Variants in CPAMD8 observed in about 807,000 individuals in gnomAD.
The protein encoded by CPAMD8 is C3 and PZP-like alpha-2-macroglobulin domain-containing protein 8.
Under a neutral mutation model 224.7 loss-of-function variants are expected in CPAMD8, and 146 were observed. The ratio of observed to expected loss-of-function variants is 0.65; its 90% CI spans 0.57 to 0.75. The LOEUF is 0.75. Ranked by LOEUF, CPAMD8 falls within the 30% of genes least tolerant of loss-of-function variation. The probability of loss-of-function intolerance (pLI) is 0.00; values close to 1 mark genes in which losing one functional copy is unlikely to be tolerated. For missense variants in CPAMD8, 2,301 were observed against 2,537.5 expected (o/e 0.91, Z 2.00); for synonymous variants, 966 against 1,044.6 (o/e 0.92, Z 1.45).
intron 18 of CPAMD8, among the ~76,000 whole-genome samples, chr19:16,970,238 CAAAAAA>C (rs34399675): frequency 1.1e-5 from 1 of 92,668 alleles, no homozygotes; most frequent in Non-Finnish European, 2.1e-5. Flanking sequence ...GACTCTGTCT[CAAAAAA>C]AAAAAAAAAA....
chr19:16,905,845 G>A (rs2052455569), intron 30 of CPAMD8, among the ~76,000 whole-genome samples: 1 of 152,104 alleles, frequency 6.6e-6, no homozygotes, highest in South Asian at 2.1e-4. Flanking sequence ...TAAGTTTGGG[G>A]GCATTCTGAG....
rs958483821 is a variant in CPAMD8, at chr19:16,947,132, C to T, written c.2604G>A (p.Glu868=). Residue 868 remains glutamate, a synonymous_variant, in exon 21 of 42, where the codon GAG becomes GAA. Transcript: ENST00000443236. ...VTKKMCVAPG[E]AEPIWVVLSF... is the part of the protein sequence containing the mutation. ...ACAGAACGACCCAGATGGGCTCAGC[C>T]TCCCCGGGGGCCACACACATCTTCT... is the stretch of plus-strand genomic sequence containing the variant. 1.2e-6 allele frequency: 2 copies of T among 1,613,644 alleles called. No homozygotes were observed. The highest frequency in any genetic ancestry group is 1.7e-6 in the Non-Finnish European group (2 of 1,179,788).
intron 9 of CPAMD8, 116 bp from the exon 10 acceptor site, chr19:17,000,638 C>T (rs1016527054): frequency 3.8e-4 from 227 of 600,500 alleles, no homozygotes; most frequent in Non-Finnish European, 8.0e-5. Flanking sequence ...GGATGCAGCT[C>T]CCTCCACACC....
intron 10 of CPAMD8, among the ~76,000 whole-genome samples, chr19:16,999,382 C>T (rs2056236460): frequency 6.6e-6 from 1 of 151,730 alleles, no homozygotes; most frequent in Non-Finnish European, 1.5e-5. Context: ...AGATCGAGAC[C>T]ATCCTAGCTA....
chr19:16,903,838 T>C lies in CPAMD8; in HGVS notation c.4271A>G (p.Gln1424Arg), dbSNP rs760149758. 1.2e-6 allele frequency: 2 copies of C among 1,613,740 alleles called. No individual in the cohort carries two copies. The highest frequency in any genetic ancestry group is 2.7e-5 in the African/African-American group (2 of 74,932). ...SSTQDTCVAL[Q>R]ALAEYAILSY... is the part of the protein sequence containing the mutation. The stretch of plus-strand genomic sequence containing the variant: ...CAAGATGGCATATTCAGCCAAGGCC[T>C]GCAGAGCCACGCAGGTGTCCTGGGG... The change falls in exon 33 of 42, where the codon CAG becomes CGG. Residue 1424 changes from glutamine (Q) to arginine (R), a missense_variant. This residue lies in a region of CPAMD8 where 1,709 missense variants were observed against 1,753.2 expected (regional missense o/e 0.97). Transcript: ENST00000443236.
At chr19:16,991,521 A>G (rs2122911492) in intron 12 of CPAMD8, among the ~76,000 whole-genome samples, 1 of 152,110 alleles carries the variant, frequency 6.6e-6, no homozygotes, top group South Asian at 2.1e-4. Context: ...CTGGTTCCTC[A>G]AGGAGTCTGA....
At chr19:16,933,609 T>C (rs1481723453) in intron 23 of CPAMD8, among the ~76,000 whole-genome samples, 1 of 152,120 alleles carries the variant, frequency 6.6e-6, no homozygotes, top group East Asian at 1.9e-4. Flanking sequence ...TCAGTCATGA[T>C]GGAAATGCAA....
chr19:17,015,157 G>A (rs544867908), intron 3 of CPAMD8, among the ~76,000 whole-genome samples: 14 of 152,286 alleles, frequency 9.2e-5, no homozygotes, highest in East Asian at 5.8e-4. Flanking sequence ...CAGCAGAATC[G>A]CTTGAACCCA....
chr19:16,984,870 T>C (rs971282972), intron 13 of CPAMD8, among the ~76,000 whole-genome samples: 2 of 152,176 alleles, frequency 1.3e-5, no homozygotes, highest in African/African-American at 4.8e-5. Context: ...TGGGTGAGCA[T>C]GCACACACAC....
chr19:16,975,975 G>C, intron 16 of CPAMD8, 27 bp downstream of exon 16: 1 of 1,536,540 alleles, frequency 6.5e-7, no homozygotes, highest in South Asian at 1.2e-5. Context: ...TGGAGGTCTA[G>C]AACCCAAGCC....
chr19:16,958,095 A>G (rs1455475491), intron 18 of CPAMD8, among the ~76,000 whole-genome samples, 180 bp from the exon 19 acceptor site: 3 of 147,054 alleles, frequency 2.0e-5, no homozygotes, highest in Non-Finnish European at 4.4e-5. Context: ...CAGGGTTAAC[A>G]GTCTACTTGA....
At chr19:16,939,910 G>C (rs964190671) in intron 22 of CPAMD8, among the ~76,000 whole-genome samples, 1 of 151,030 alleles carries the variant, frequency 6.6e-6, no homozygotes, top group Non-Finnish European at 1.5e-5. Flanking sequence ...GGTTTTTTTT[G>C]TTTTTGTTTT....
intron 13 of CPAMD8, among the ~76,000 whole-genome samples, chr19:16,987,179 A>AAAAAATATAT (rs1555784836): frequency 2.4e-4 from 13 of 53,920 alleles, no homozygotes; most frequent in Non-Finnish European, 3.2e-4. Flanking sequence ...AAAAAAAAAA[A>AAAAAATATAT]ATATATATAT....
chr19:16,969,886 A>C (rs1357609644), intron 18 of CPAMD8, among the ~76,000 whole-genome samples: 3 of 149,890 alleles, frequency 2.0e-5, no homozygotes, highest in African/African-American at 7.4e-5. Flanking sequence ...AAAAAAAAAA[A>C]AAACAAAAAC....
chr19:16,902,008 A>C (rs925629319), intron 35 of CPAMD8, among the ~76,000 whole-genome samples: 23 of 152,082 alleles, frequency 1.5e-4, no homozygotes, highest in Non-Finnish European at 1.3e-4. Flanking sequence ...AATCGTCGCC[A>C]TGGTGACAAG....
intron 15 of CPAMD8, among the ~76,000 whole-genome samples, chr19:16,976,868 C>T (rs566877988): frequency 6.6e-6 from 1 of 151,818 alleles, no homozygotes; most frequent in African/African-American, 2.4e-5. Flanking sequence ...ATGGTGAAAC[C>T]CCATCTCTAC....
rs543197462 is a variant in CPAMD8, at chr19:16,967,310, C to T, written c.2213+3581G>A. 1.5e-4 allele frequency among the ~76,000 whole-genome samples: 12 copies of T among 81,418 alleles called. No homozygotes were observed. In the South Asian group the frequency reaches 4.2e-3, roughly 28 times the overall value. 53.4% of individuals were successfully genotyped at this position (81,418 alleles called of 152,430 possible). A position where few individuals can be genotyped will look rare whatever the true frequency, so the allele number is the denominator to read the frequency against. ...ACAATGAGAACACCTGGACACAGGG[C>T]GGGGAACATCACACTCTGGGGCCTG... On this transcript the variant is annotated intron_variant, in intron 18 of 41. Transcript: ENST00000443236.
chr19:16,914,822 G>C lies in CPAMD8; in HGVS notation c.3630-9C>G. On this transcript the variant is annotated splice_polypyrimidine_tract_variant and intron_variant, in intron 27 of 41. Coordinates refer to ENST00000443236, the MANE Select transcript of CPAMD8 (RefSeq NM_015692.5). ...GGACAAAGGCTGTGAGCCTGAAAGA[G>C]GACAGGGTGTCAGCTGAGGGGTTGC... The C allele has an allele frequency of 6.3e-7, 1 of 1,597,590 alleles. No homozygotes were observed. Among genetic ancestry groups the C allele is most frequent in the East Asian group, 2.2e-5 (1 of 44,732 alleles).
chr19:17,002,179 G>T (rs1599883707), intron 9 of CPAMD8, 87 bp downstream of exon 9: 1 of 868,416 alleles, frequency 1.2e-6, no homozygotes, highest in East Asian at 2.7e-5. Context: ...AGGCAGCAGA[G>T]GAGGGGAACG....
Sources: allele counts gnomAD v4.1 joint callset (sites outside exome capture counted in the v4.1 genomes callset), GRCh38; gene constraint gnomAD v4.1.1; regional missense constraint gnomAD v4.1.1; transcripts MANE v1.5; gene names NCBI Gene and HGNC (gene_info 2026-07-23, HGNC 2026-07-21).